Variants in EPHB1 observed in about 807,000 individuals in gnomAD.
EPHB1 encodes the protein EPH receptor B1.
EPHB1 carries 30 observed loss-of-function variants against 94.4 expected under a neutral mutation model. That is an observed-to-expected ratio of 0.32 (90% CI 0.24 to 0.43). The LOEUF (loss-of-function observed/expected upper bound fraction) is 0.43. Ranked by LOEUF, EPHB1 falls within the 20% of genes least tolerant of loss-of-function variation. The pLI, the probability that EPHB1 is intolerant of heterozygous loss-of-function variation, is 1.00. For missense variants in EPHB1, 1,055 were observed against 1,308.3 expected (o/e 0.81, Z 2.99); for synonymous variants, 522 against 489.1 (o/e 1.07, Z -0.89).
chr3:135,116,738 G>T (rs1396655586), intron 4 of EPHB1, among the ~76,000 whole-genome samples: 1 of 152,182 alleles, frequency 6.6e-6, no homozygotes. Flanking sequence ...GCTTCTCAAA[G>T]TCTGTCCCTA....
At chr3:134,812,056 G>A (rs889375563) in intron 1 of EPHB1, among the ~76,000 whole-genome samples, 2 of 152,188 alleles carry the variant, frequency 1.3e-5, no homozygotes, top group East Asian at 1.9e-4. Context: ...GTGCCTACTC[G>A]CTGAATGTCT....
At chr3:135,150,407 C>T (rs993041567) in intron 5 of EPHB1, among the ~76,000 whole-genome samples, 3 of 152,208 alleles carry the variant, frequency 2.0e-5, no homozygotes, top group Admixed American at 6.5e-5. Flanking sequence ...AAAACTGCCT[C>T]GCCTTCCCTG....
chr3:134,926,648 T>C (rs564387755), intron 2 of EPHB1, among the ~76,000 whole-genome samples: 1 of 152,190 alleles, frequency 6.6e-6, no homozygotes, highest in South Asian at 2.1e-4. Context: ...GCTGCTGAGA[T>C]GGGGCTGGAG....
chr3:134,995,159 A>C (rs949789681), intron 3 of EPHB1, among the ~76,000 whole-genome samples: 1 of 152,178 alleles, frequency 6.6e-6, no homozygotes, highest in Non-Finnish European at 1.5e-5. Context: ...CTCCCTGATC[A>C]CTGACAATCA....
rs554416381 is a variant in EPHB1, at chr3:135,072,385, A to G, written c.806-34063A>G. Among the ~76,000 whole-genome samples, 270 of 152,304 alleles carry G rather than the reference A, an allele frequency of 1.8e-3. 1 individual carries two copies. Among genetic ancestry groups the G allele is most frequent in the African/African-American group, 6.3e-3 (260 of 41,562 alleles). On this transcript the variant is annotated intron_variant, in intron 3 of 15. Coordinates refer to ENST00000398015, the MANE Select transcript of EPHB1 (RefSeq NM_004441.5). Reference sequence around the variant, plus strand: ...GGTGACAGAGTGAGACTCCATCTCAAAAACAAACAAACACTCAAGTAAAAC... The same window carrying G: ...GGTGACAGAGTGAGACTCCATCTCAGAAACAAACAAACACTCAAGTAAAAC...
At chr3:135,139,134 G>A (rs1576419471) in intron 5 of EPHB1, among the ~76,000 whole-genome samples, 1 of 152,244 alleles carries the variant, frequency 6.6e-6, no homozygotes, top group South Asian at 2.1e-4. Flanking sequence ...ATGAGCATTA[G>A]TATGTAAGTG....
intron 1 of EPHB1, among the ~76,000 whole-genome samples, chr3:134,869,114 T>TTGA (rs956052946): frequency 2.0e-5 from 3 of 152,272 alleles, no homozygotes; most frequent in South Asian, 4.2e-4. Context: ...AGTGTTAGCT[T>TTGA]TGATGATGAT....
At chr3:135,161,083 G>A (rs1322444632) in intron 6 of EPHB1, among the ~76,000 whole-genome samples, 1 of 152,114 alleles carries the variant, frequency 6.6e-6, no homozygotes, top group Non-Finnish European at 1.5e-5. Flanking sequence ...AAAGGAGGCT[G>A]CAAAAGTCCA....
At chr3:135,102,507 A>C (rs1705274120) in intron 3 of EPHB1, among the ~76,000 whole-genome samples, 1 of 152,236 alleles carries the variant, frequency 6.6e-6, no homozygotes, top group African/African-American at 2.4e-5. Context: ...GATTAATGGC[A>C]CCTGATACAA....
intron 3 of EPHB1, among the ~76,000 whole-genome samples, chr3:135,063,547 G>T (rs1451813220): frequency 1.3e-5 from 2 of 152,214 alleles, no homozygotes; most frequent in African/African-American, 2.4e-5. Flanking sequence ...CTTGTATCCA[G>T]AAACTTTGCT....
intron 3 of EPHB1, among the ~76,000 whole-genome samples, chr3:135,084,299 G>C (rs184757379): frequency 2.6e-5 from 4 of 152,210 alleles, no homozygotes; most frequent in Non-Finnish European, 5.9e-5. Flanking sequence ...CCTTACTTCT[G>C]ACATGCTGGG....
intron 5 of EPHB1, 106 bp downstream of exon 5, chr3:135,133,155 G>A (rs1331021098): frequency 1.7e-6 from 2 of 1,168,576 alleles, no homozygotes; most frequent in Non-Finnish European, 2.4e-6. Context: ...GTACTGTCAG[G>A]CCTCTGCCCA....
At chr3:135,209,923 G>C (rs1942994441) in intron 12 of EPHB1, among the ~76,000 whole-genome samples, 1 of 152,148 alleles carries the variant, frequency 6.6e-6, no homozygotes, top group African/African-American at 2.4e-5. Flanking sequence ...AGTTCTAGTG[G>C]GGTGATGCAG....
chr3:135,244,905 A>G (rs1361288956), intron 13 of EPHB1, among the ~76,000 whole-genome samples: 3 of 152,168 alleles, frequency 2.0e-5, no homozygotes, highest in Non-Finnish European at 4.4e-5. Flanking sequence ...TTTTTTCCCT[A>G]TGTGCAAGAA....
chr3:134,955,774 C>T (rs978015824), intron 3 of EPHB1, among the ~76,000 whole-genome samples: 140 of 152,324 alleles, frequency 9.2e-4, no homozygotes, highest in African/African-American at 3.2e-3. Flanking sequence ...GCCTGCTGAC[C>T]TCATCTCACT....
chr3:134,978,838 C>T lies in EPHB1; in HGVS notation c.805+26786C>T, dbSNP rs369304291. Among the ~76,000 whole-genome samples the T allele has an allele frequency of 4.6e-5, 7 of 152,298 alleles. No homozygotes were observed. In the South Asian group the frequency reaches 6.2e-4, roughly 14 times the overall value. ...GGTGGAGCTATTAGGAGAAACTCAC[C>T]GCAGATGTGTGGAATGAATAAGAGA... On this transcript the variant is annotated intron_variant, in intron 3 of 15. Transcript: ENST00000398015.
chr3:135,002,312 G>A (rs1400541131), intron 3 of EPHB1, among the ~76,000 whole-genome samples: 3 of 152,170 alleles, frequency 2.0e-5, no homozygotes, highest in African/African-American at 7.2e-5. Context: ...CTTGATCATG[G>A]TGCATAAGCT....
intron 2 of EPHB1, among the ~76,000 whole-genome samples, chr3:134,946,152 C>T (rs375859359): frequency 6.6e-6 from 1 of 152,194 alleles, no homozygotes; most frequent in East Asian, 1.9e-4. Context: ...CCATCTCTTG[C>T]CTGGGCACCC....
At chr3:134,839,174 G>A (rs1206994836) in intron 1 of EPHB1, among the ~76,000 whole-genome samples, 1 of 152,172 alleles carries the variant, frequency 6.6e-6, no homozygotes, top group Non-Finnish European at 1.5e-5. Flanking sequence ...GTCAGGATGT[G>A]AAAGCAACTG....
Sources: gnomAD v4.1 joint callset for allele counts (sites outside exome capture counted in the v4.1 genomes callset) on GRCh38, gnomAD v4.1.1 for gene constraint, MANE v1.5 for transcripts, NCBI Gene and HGNC (gene_info 2026-07-23, HGNC 2026-07-21) for gene names.